The following DGAT2 variants were observed in gnomAD, a reference collection of about 807,000 sequenced individuals.
DGAT2 encodes diacylglycerol O-acyltransferase 2.
DGAT2 carries 33 observed loss-of-function variants against 48.4 expected under a neutral mutation model. That is an observed-to-expected ratio of 0.68 (90% CI 0.52 to 0.91). The LOEUF (loss-of-function observed/expected upper bound fraction) is 0.91. Among genes scored for constraint, DGAT2 ranks in the 40% least tolerant of loss-of-function variants. DGAT2 has a pLI of 0.00. For missense variants in DGAT2, 446 were observed against 493.7 expected, an observed-to-expected ratio of 0.90 and a Z score of 0.92; for synonymous variants, 191 against 194.1, an observed-to-expected ratio of 0.98 and a Z score of 0.13.
At chr11:75,785,889 G>T (rs188006525) in intron 2 of DGAT2, among the ~76,000 whole-genome samples, 4 of 152,348 alleles carry the variant, frequency 2.6e-5, no homozygotes, top group African/African-American at 4.8e-5. Flanking sequence ...ACCTGCTACT[G>T]TGAAGCTCAT....
chr11:75,793,993 T>C (rs150921254), intron 4 of DGAT2: 2 of 152,392 alleles, frequency 1.3e-5, no homozygotes, highest in African/African-American at 4.8e-5. Flanking sequence ...ATTAGACTGC[T>C]GCTGTTTCCC....
chr11:75,797,346 T>TACAC lies in DGAT2; in HGVS notation c.809+25_809+28dup. On this transcript the variant is annotated intron_variant, in intron 6 of 7. Coordinates refer to ENST00000228027, the MANE Select transcript of DGAT2 (RefSeq NM_032564.5). The stretch of plus-strand genomic sequence containing the variant: ...CCTGCGTCATGGGTGAGTGCCTCCC[T>TACAC]ACACACACACACACCCCTCCAGTGC... 3 of 1,441,268 alleles carry TACAC rather than the reference T, an allele frequency of 2.1e-6. No individual in the cohort carries two copies. Among genetic ancestry groups the TACAC allele is most frequent in the Non-Finnish European group, 2.8e-6 (3 of 1,088,052 alleles). 89.3% of individuals were successfully genotyped at this position (1,441,268 alleles called of 1,614,324 possible).
At chr11:75,781,504 T>G (rs759729130) in intron 1 of DGAT2, among the ~76,000 whole-genome samples, 3 of 152,138 alleles carry the variant, frequency 2.0e-5, no homozygotes, top group Non-Finnish European at 2.9e-5. Flanking sequence ...AAAGCAGAGG[T>G]GCAGTCCTCC....
intron 1 of DGAT2, among the ~76,000 whole-genome samples, chr11:75,781,945 C>T (rs1259091126): frequency 2.0e-5 from 3 of 152,158 alleles, no homozygotes; most frequent in African/African-American, 7.2e-5. Context: ...TTTAGGTCTT[C>T]TCAGTTGTTT....
At chr11:75,772,959 C>T (rs868587373) in intron 1 of DGAT2, among the ~76,000 whole-genome samples, 6 of 152,278 alleles carry the variant, frequency 3.9e-5, no homozygotes, top group African/African-American at 1.2e-4. Context: ...TACTGCACTC[C>T]AGCGTGGGTA....
chr11:75,794,246 C>G (rs1945023170), intron 4 of DGAT2: 1 of 152,280 alleles, frequency 6.6e-6, no homozygotes, highest in African/African-American at 2.4e-5. Context: ...CACCAGCACC[C>G]TCTCCCCCAG....
rs1944728407 is a variant in DGAT2 at position 75,769,001 on chromosome 11, C to T, written c.10C>T (p.Leu4Phe). 4 of 1,563,732 alleles carry T rather than the reference C, an allele frequency of 2.6e-6. No homozygotes were observed. Among genetic ancestry groups the T allele is most frequent in the Non-Finnish European group, 2.6e-6 (3 of 1,157,240 alleles). MKT[L>F]IAAYSGVLRG... ...TGGGCGGGCTTCAGCCATGAAGACC[C>T]TCATAGCCGCCTACTCCGGGGTCCT... Residue 4 changes from leucine to phenylalanine, a missense_variant, in exon 1 of 8, where the codon CTC (leucine) becomes TTC (phenylalanine). Physicochemically the swap from Leu to Phe is conservative, Grantham distance 22. Coordinates refer to ENST00000228027, the MANE Select transcript of DGAT2 (RefSeq NM_032564.5).
intron 2 of DGAT2, among the ~76,000 whole-genome samples, chr11:75,785,534 G>A (rs61898006): frequency 6.6e-6 from 1 of 152,272 alleles, no homozygotes; most frequent in Non-Finnish European, 1.5e-5. Flanking sequence ...CAGGCCAGGG[G>A]CAGGACAACA....
At chr11:75,783,054 C>T (rs1944883945) in intron 1 of DGAT2, among the ~76,000 whole-genome samples, 1 of 152,202 alleles carries the variant, frequency 6.6e-6, no homozygotes, top group South Asian at 2.1e-4. Flanking sequence ...ATGAGGCAGA[C>T]CTCTGGAATG....
rs1444713069 is a variant in DGAT2 at position 75,800,461 on chromosome 11, A to G, written c.1120A>G (p.Lys374Glu). The G allele has an allele frequency of 1.9e-6, 3 of 1,614,196 alleles. No homozygotes were observed. Among genetic ancestry groups the G allele is most frequent in the Non-Finnish European group, 2.5e-6 (3 of 1,180,020 alleles). The change falls in exon 8 of 8, where the codon AAG becomes GAG. Residue 374 changes from lysine (K) to glutamate (E), a missense_variant. Lys to Glu is a moderately conservative substitution (Grantham distance 56). Transcript: ENST00000228027. ...EALVKLFDKHKTKFGLPETEV... is the reference protein window; with the variant it reads ...EALVKLFDKHETKFGLPETEV... ...CCTGGTGAAGCTCTTCGACAAGCAC[A>G]AGACCAAGTTCGGCCTCCCGGAGAC...
chr11:75,790,623 C>T, intron 3 of DGAT2, 38 bp from the exon 4 acceptor site: 1 of 1,599,630 alleles, frequency 6.3e-7, no homozygotes, highest in Non-Finnish European at 8.6e-7. Flanking sequence ...CCAAATGTAC[C>T]CCCACCCCCA....
At chr11:75,789,602 T>C (rs1007814307) in intron 2 of DGAT2, among the ~76,000 whole-genome samples, 2 of 152,216 alleles carry the variant, frequency 1.3e-5, no homozygotes, top group Non-Finnish European at 2.9e-5. Flanking sequence ...TTTGGTGAAT[T>C]TCTAAAGCCT....
intron 4 of DGAT2, chr11:75,792,044 A>C (rs894466120): frequency 2.0e-5 from 3 of 152,308 alleles, no homozygotes; most frequent in Non-Finnish European, 4.4e-5. Context: ...GCCAGGCTCC[A>C]GTGTTCTCTG....
intron 1 of DGAT2, among the ~76,000 whole-genome samples, chr11:75,775,579 G>C (rs1944796346): frequency 6.6e-6 from 1 of 152,174 alleles, no homozygotes; most frequent in Non-Finnish European, 1.5e-5. Context: ...AGCTCTGACT[G>C]GCTGTCTTCT....
chr11:75,784,435 A>C, intron 1 of DGAT2, 183 bp from the exon 2 acceptor site: 1 of 691,558 alleles, frequency 1.4e-6, no homozygotes, highest in Non-Finnish European at 2.3e-6. Context: ...GGGAGCATGC[A>C]GACAGCCCAG....
In DGAT2 at chr11:75,796,516, G is replaced by A. The variant is rs774082340; in HGVS notation, c.618G>A (p.Glu206=). ...AGNFRMPVLR[E]YLMSGGICPV... Reference sequence around the variant, plus strand: ...ACTTCCGAATGCCTGTGTTGAGGGAGTACCTGATGTCTGGAGGTAAGAATC... The same window carrying A: ...ACTTCCGAATGCCTGTGTTGAGGGAATACCTGATGTCTGGAGGTAAGAATC... The change falls in exon 5 of 8, where the codon GAG becomes GAA. Residue 206 remains glutamate, a synonymous_variant. Transcript: ENST00000228027. The A allele has an allele frequency of 2.5e-6, 4 of 1,612,640 alleles. No homozygotes were observed. The Admixed American group carries it at 5.0e-5, about 20-fold the overall frequency.
At chr11:75,784,237 T>C (rs1944897184) in intron 1 of DGAT2, among the ~76,000 whole-genome samples, 1 of 152,074 alleles carries the variant, frequency 6.6e-6, no homozygotes, top group Non-Finnish European at 1.5e-5. Flanking sequence ...AATTAAATAT[T>C]TGTACTAGAT....
At chr11:75,794,823 G>A (rs898587568) in intron 4 of DGAT2, 1 of 152,080 alleles carries the variant, frequency 6.6e-6, no homozygotes, top group African/African-American at 2.4e-5. Flanking sequence ...GCGTCAGATG[G>A]TTTTATCTGG....
intron 1 of DGAT2, among the ~76,000 whole-genome samples, chr11:75,769,597 T>G (rs986047462): frequency 3.9e-5 from 6 of 152,194 alleles, no homozygotes; most frequent in Admixed American, 1.3e-4. Context: ...CTGGCATGCT[T>G]AGAAGGCAGC....
Sources: gnomAD v4.1 joint callset for allele counts (sites outside exome capture counted in the v4.1 genomes callset) on GRCh38, gnomAD v4.1.1 for gene constraint, MANE v1.5 for transcripts, NCBI Gene and HGNC (gene_info 2026-07-23, HGNC 2026-07-21) for gene names.